The following KIF6 variants were observed in gnomAD, a reference collection of about 807,000 sequenced individuals.
KIF6 encodes kinesin-like protein KIF6.
In KIF6, 106 loss-of-function variants were observed where a neutral mutation model predicts 112.7. The ratio of observed to expected loss-of-function variants is 0.94; its 90% confidence interval spans 0.80 to 1.11. KIF6 has a LOEUF of 1.11. Among genes scored for constraint, KIF6 ranks in the 50% least tolerant of loss-of-function variants. KIF6 has a pLI of 0.00. For synonymous variants in KIF6, 339 were observed against 339.9 expected, an observed-to-expected ratio of 1.00 and a Z score of 0.03; for missense variants, 929 against 964.0, an observed-to-expected ratio of 0.96 and a Z score of 0.48.
intron 7 of KIF6, among the ~76,000 whole-genome samples, chr6:39,592,587 T>C (rs1057128699): frequency 2.6e-4 from 40 of 152,198 alleles, no homozygotes; most frequent in Admixed American, 1.4e-3. Flanking sequence ...TTTGGGCTGA[T>C]AGAGGCTGTG....
At chr6:39,603,626 T>C (rs1782705716) in intron 6 of KIF6, among the ~76,000 whole-genome samples, 1 of 151,988 alleles carries the variant, frequency 6.6e-6, no homozygotes. Context: ...TTTTTTCTTT[T>C]TTCTCTTCCT....
intron 16 of KIF6, among the ~76,000 whole-genome samples, chr6:39,368,609 G>A (rs1765744367): frequency 6.6e-6 from 1 of 152,216 alleles, no homozygotes; most frequent in South Asian, 2.1e-4. Flanking sequence ...GGCCTGTGAA[G>A]TCTGCCCTTT....
At chr6:39,715,255 A>G (rs1458071790) in intron 2 of KIF6, among the ~76,000 whole-genome samples, 3 of 152,224 alleles carry the variant, frequency 2.0e-5, no homozygotes, top group African/African-American at 7.2e-5. Flanking sequence ...ATTTGGTGCT[A>G]TATCCTAGCA....
chr6:39,526,409 T>C (rs534977013), intron 13 of KIF6, among the ~76,000 whole-genome samples: 33 of 152,324 alleles, frequency 2.2e-4, no homozygotes, highest in Middle Eastern at 3.4e-3. Flanking sequence ...GTGCGTTTAT[T>C]ACACTGAAAG....
chr6:39,696,869 A>G (rs796409281), intron 3 of KIF6, among the ~76,000 whole-genome samples: 30 of 152,108 alleles, frequency 2.0e-4, no homozygotes, highest in African/African-American at 6.5e-4. Flanking sequence ...TAAATCTAGT[A>G]TAACTACAAT....
In KIF6 at chr6:39,547,067, A is replaced by G. The variant is rs374397457; in HGVS notation, c.1182-1379T>C. Among the ~76,000 whole-genome samples, 124 of 152,332 alleles carry G rather than the reference A, an allele frequency of 8.1e-4. 1 individual carries two copies. The highest frequency in any genetic ancestry group is 2.9e-3 in the African/African-American group (119 of 41,562). Reference sequence around the variant, plus strand: ...GGAAGGTTTAAGGATGACAATCAGTATCTATGATGTTATGTATCATAATAC... The same window carrying G: ...GGAAGGTTTAAGGATGACAATCAGTGTCTATGATGTTATGTATCATAATAC... On this transcript the variant is annotated intron_variant, in intron 10 of 22. Transcript: ENST00000287152.
At chr6:39,625,975 G>A (rs1784071992) in intron 5 of KIF6, among the ~76,000 whole-genome samples, 1 of 152,144 alleles carries the variant, frequency 6.6e-6, no homozygotes, top group Non-Finnish European at 1.5e-5. Context: ...TTAGGGCAGG[G>A]AGTAGTTTAC....
chr6:39,566,054 A>G (rs1671540191), intron 10 of KIF6, among the ~76,000 whole-genome samples: 1 of 152,226 alleles, frequency 6.6e-6, no homozygotes, highest in South Asian at 2.1e-4. Context: ...GATGTTGGAC[A>G]TAACATTTAC....
intron 12 of KIF6, among the ~76,000 whole-genome samples, chr6:39,544,324 CT>C (rs1778948867): frequency 6.6e-6 from 1 of 152,184 alleles, no homozygotes; most frequent in Non-Finnish European, 1.5e-5. Context: ...AAAATGTTCC[CT>C]GCAAGAGTAA....
chr6:39,676,037 C>T (rs1342234590), intron 3 of KIF6, among the ~76,000 whole-genome samples: 2 of 140,320 alleles, frequency 1.4e-5, no homozygotes, highest in African/African-American at 5.3e-5. Flanking sequence ...ATAGGCACTA[C>T]AGAGAATGGA....
intron 3 of KIF6, among the ~76,000 whole-genome samples, chr6:39,681,925 T>C (rs1156667382): frequency 1.3e-5 from 2 of 151,830 alleles, no homozygotes; most frequent in African/African-American, 2.4e-5. Context: ...CAGGGGTATG[T>C]AGAGTTTGGA....
At chr6:39,441,698 T>C (rs1172758876) in intron 13 of KIF6, among the ~76,000 whole-genome samples, 1 of 152,186 alleles carries the variant, frequency 6.6e-6, no homozygotes, top group African/African-American at 2.4e-5. Flanking sequence ...ATCAGATCTT[T>C]TGGGGTGACC....
In KIF6 at chr6:39,584,981, A is replaced by G. The variant is rs1370516829; in HGVS notation, c.994T>C (p.Ser332Pro). 1.9e-6 allele frequency: 3 copies of G among 1,584,248 alleles called. No individual in the cohort carries two copies. In the East Asian group the frequency reaches 6.7e-5, roughly 35 times the overall value. ...LSLEKRNLDE[S>P]ISTCRFAQRV... ...TGTGCAAATCTGCAGGTTGATATAG[A>G]CTCCTAAGAAAGCAAAGTAACTTCT... The change falls in exon 9 of 23, where the codon TCT (serine) becomes CCT (proline). Residue 332 changes from serine to proline, a missense_variant. This residue lies in a region of KIF6 where 688 missense variants were observed against 662.7 expected (regional missense o/e 1.04). Coordinates refer to ENST00000287152, the MANE Select transcript of KIF6 (RefSeq NM_145027.6).
At chr6:39,386,031 T>C (rs1196033259) in intron 15 of KIF6, among the ~76,000 whole-genome samples, 4 of 152,268 alleles carry the variant, frequency 2.6e-5, no homozygotes, top group Non-Finnish European at 5.9e-5. Flanking sequence ...CTTTTAATAA[T>C]ATTTAGGCCT....
intron 3 of KIF6, among the ~76,000 whole-genome samples, chr6:39,703,408 C>T (rs1049374290): frequency 9.2e-5 from 14 of 151,946 alleles, no homozygotes; most frequent in African/African-American, 3.1e-4. Flanking sequence ...CTCAGGGTCC[C>T]GTTTTTCATC....
chr6:39,486,825 A>AAGGAAGGC (rs369348038), intron 13 of KIF6, among the ~76,000 whole-genome samples: 1 of 152,376 alleles, frequency 6.6e-6, no homozygotes, highest in East Asian at 1.9e-4. Context: ...ATAATAGAAC[A>AAGGAAGGC]AGGAAGGCTG....
At chr6:39,430,934 A>C in intron 14 of KIF6, 119 bp downstream of exon 14, 2 of 597,350 alleles carry the variant, frequency 3.3e-6, no homozygotes, top group Non-Finnish European at 6.0e-6. Context: ...CTGAATAAAC[A>C]TTATGCTTTT....
chr6:39,629,259 C>T (rs74690234), intron 5 of KIF6, among the ~76,000 whole-genome samples: 102 of 152,176 alleles, frequency 6.7e-4, no homozygotes, highest in African/African-American at 2.4e-3. Context: ...ATTTGTCTTC[C>T]AAAGTGGTGG....
intron 13 of KIF6, among the ~76,000 whole-genome samples, chr6:39,526,894 C>T (rs560563865): frequency 6.6e-6 from 1 of 152,316 alleles, no homozygotes; most frequent in Admixed American, 6.5e-5. Context: ...TGGGTGATTT[C>T]AAAGCAGAGG....
Sources: gnomAD v4.1 joint callset for allele counts (sites outside exome capture counted in the v4.1 genomes callset) on GRCh38, gnomAD v4.1.1 for gene constraint, gnomAD v4.1.1 regional missense constraint, MANE v1.5 for transcripts, NCBI Gene and HGNC (gene_info 2026-07-23, HGNC 2026-07-21) for gene names.